The following LINC00305 variants were observed in gnomAD, a reference collection of about 807,000 sequenced individuals.
The protein encoded by LINC00305 is long intergenic non-protein coding RNA 305.
intron 1 of LINC00305, among the ~76,000 whole-genome samples, chr18:64,102,100 C>T (rs970203929): frequency 6.6e-5 from 10 of 152,114 alleles, no homozygotes; most frequent in Non-Finnish European, 5.9e-5. Flanking sequence ...CCCCAGTGAC[C>T]GCTGTTCATA....
chr18:64,105,476 A>C (rs1407100830), intron 1 of LINC00305, among the ~76,000 whole-genome samples: 1 of 152,052 alleles, frequency 6.6e-6, no homozygotes, highest in Non-Finnish European at 1.5e-5. Context: ...ACAAACAAAC[A>C]AAAAAAAGTT....
chr18:64,136,764 T>G (rs1010849178), intron 1 of LINC00305, among the ~76,000 whole-genome samples: 1 of 152,040 alleles, frequency 6.6e-6, no homozygotes, highest in Non-Finnish European at 1.5e-5. Flanking sequence ...GAGCCTGGCT[T>G]GTGTGTGGCG....
At chr18:64,088,988 A>T (rs139739783) in intron 3 of LINC00305, among the ~76,000 whole-genome samples, 1 of 152,292 alleles carries the variant, frequency 6.6e-6, no homozygotes, top group East Asian at 1.9e-4. Flanking sequence ...AAGGAGACAG[A>T]GCTACCTGTG....
chr18:64,146,657 T>G (rs958387638), intron 1 of LINC00305, among the ~76,000 whole-genome samples: 2 of 152,210 alleles, frequency 1.3e-5, no homozygotes, highest in Non-Finnish European at 2.9e-5. Flanking sequence ...AAGTTTCTGT[T>G]AAAGTATCCA....
chr18:64,108,355 G>A (rs2051300411), intron 1 of LINC00305, among the ~76,000 whole-genome samples: 1 of 152,188 alleles, frequency 6.6e-6, no homozygotes, highest in South Asian at 2.1e-4. Context: ...CAACACATGA[G>A]TATTATGGGT....
chr18:64,130,512 A>C (rs1015766254), intron 1 of LINC00305, among the ~76,000 whole-genome samples: 5 of 152,164 alleles, frequency 3.3e-5, no homozygotes, highest in African/African-American at 1.2e-4. Context: ...TTCCAAAAAA[A>C]TACATAGCAA....
chr18:64,097,345 A>C lies in LINC00305; in HGVS notation n.540+489T>G, dbSNP rs1273048578. ...TTATGTTATTTTGTAAAAACCAAAG[A>C]GTCTGCCCCACCACTGGTGATTCAG... On this transcript the variant is annotated intron_variant and non_coding_transcript_variant, in intron 3 of 3. Transcript: ENST00000666468. 2.0e-5 allele frequency among the ~76,000 whole-genome samples: 3 copies of C among 152,144 alleles called. No homozygotes were observed. The East Asian group carries it at 5.8e-4, about 29-fold the overall frequency.
chr18:64,131,715 G>A (rs1599226932), intron 1 of LINC00305, among the ~76,000 whole-genome samples: 1 of 152,202 alleles, frequency 6.6e-6, no homozygotes, highest in African/African-American at 2.4e-5. Context: ...GTGATTGCTA[G>A]CAAAGTACTA....
rs1368151948 is a variant in LINC00305 at position 64,129,798 on chromosome 18, G to A, written n.314+18977C>T. Among the ~76,000 whole-genome samples the A allele has an allele frequency of 2.0e-5, 3 of 152,078 alleles. No individual in the cohort carries two copies. The East Asian group carries it at 5.8e-4, about 29-fold the overall frequency. On this transcript the variant is annotated intron_variant and non_coding_transcript_variant, in intron 1 of 3. Coordinates refer to ENST00000666468, the Ensembl canonical transcript of LINC00305. ...ACTGCTTCTTTTTTGTAGCTTCCTT[G>A]TAGCCATTTCACATGAACATGTTTA... is the stretch of plus-strand genomic sequence containing the variant.
At chr18:64,093,311 G>A (rs1194968761) in intron 3 of LINC00305, among the ~76,000 whole-genome samples, 2 of 152,104 alleles carry the variant, frequency 1.3e-5, no homozygotes, top group Non-Finnish European at 2.9e-5. Flanking sequence ...GCAGTTGTAG[G>A]CTAATCCTAA....
rs140021718 is a variant in LINC00305, at chr18:64,139,768, A to G, written n.314+9007T>C. On this transcript the variant is annotated intron_variant and non_coding_transcript_variant, in intron 1 of 3. Coordinates refer to ENST00000666468, the Ensembl canonical transcript of LINC00305. ...GTGCAGGATGGCAGGAAGCGGTCGC[A>G]GGTCTAGAAGTTGTCCTTTTAACTT... 1.5e-3 allele frequency among the ~76,000 whole-genome samples: 221 copies of G among 152,184 alleles called. 1 individual carries two copies. Among genetic ancestry groups the G allele is most frequent in the African/African-American group, 5.0e-3 (209 of 41,538 alleles).
At chr18:64,123,765 G>A (rs1378075670) in intron 1 of LINC00305, among the ~76,000 whole-genome samples, 1 of 152,026 alleles carries the variant, frequency 6.6e-6, no homozygotes, top group Non-Finnish European at 1.5e-5. Context: ...TGGAAGGCAG[G>A]GCCTGGTAGG....
chr18:64,114,036 G>A (rs1351350258), intron 1 of LINC00305, among the ~76,000 whole-genome samples: 2 of 152,328 alleles, frequency 1.3e-5, no homozygotes, highest in African/African-American at 4.8e-5. Flanking sequence ...TTGGGAGACC[G>A]AGGCGGGCGG....
In LINC00305 at chr18:64,114,989, A is replaced by G. The variant is rs1599218578; in HGVS notation, n.315-16349T>C. On this transcript the variant is annotated intron_variant and non_coding_transcript_variant, in intron 1 of 3. Coordinates refer to ENST00000666468, the Ensembl canonical transcript of LINC00305. ...ACACACCCTTCTCCCTTCTCCTCCC[A>G]CCCTCCTCCATGCAGGGCTGGGGTG... Among the ~76,000 whole-genome samples the G allele has an allele frequency of 2.6e-5, 4 of 151,646 alleles. No individual in the cohort carries two copies. In the South Asian group the frequency reaches 6.3e-4, roughly 24 times the overall value.
At chr18:64,145,806 T>C (rs567861251) in intron 1 of LINC00305, among the ~76,000 whole-genome samples, 1 of 152,150 alleles carries the variant, frequency 6.6e-6, no homozygotes, top group Non-Finnish European at 1.5e-5. Flanking sequence ...AGTCTCTGGG[T>C]TTTTGTTGTT....
intron 1 of LINC00305, among the ~76,000 whole-genome samples, chr18:64,137,401 A>G (rs2051439939): frequency 6.6e-6 from 1 of 152,214 alleles, no homozygotes; most frequent in Admixed American, 6.5e-5. Context: ...AACCCTGGGA[A>G]ATTGCAACAG....
intron 1 of LINC00305, among the ~76,000 whole-genome samples, chr18:64,104,970 C>T (rs971353613): frequency 2.6e-5 from 4 of 151,936 alleles, no homozygotes; most frequent in African/African-American, 9.7e-5. Context: ...CCCCCTGCTT[C>T]TCCAGCATGC....
At chr18:64,082,985 G>C (rs1166445294) in intron 3 of LINC00305, among the ~76,000 whole-genome samples, 1 of 151,902 alleles carries the variant, frequency 6.6e-6, no homozygotes, top group Non-Finnish European at 1.5e-5. Flanking sequence ...GATTCTTAAA[G>C]TTTAACTTTT....
At chr18:64,141,352 A>G (rs184768644) in intron 1 of LINC00305, among the ~76,000 whole-genome samples, 1 of 152,352 alleles carries the variant, frequency 6.6e-6, no homozygotes, top group East Asian at 1.9e-4. Context: ...ATGGAGAAGT[A>G]CAAAGTAAGG....
Sources: gnomAD v4.1 joint callset for allele counts (sites outside exome capture counted in the v4.1 genomes callset) on GRCh38, gnomAD v4.1.1 for gene constraint, MANE v1.5 for transcripts, NCBI Gene and HGNC (gene_info 2026-07-23, HGNC 2026-07-21) for gene names.